NTM: variants seen among roughly 807,000 people sequenced by gnomAD.
The protein encoded by NTM is neurotrimin.
A neutral mutation model predicts 42.1 loss-of-function variants in NTM; 13 were observed. The ratio of observed to expected loss-of-function variants is 0.31; its 90% CI spans 0.20 to 0.49. The LOEUF (loss-of-function observed/expected upper bound fraction) is 0.49. Ranked by LOEUF, NTM falls within the 20% of genes least tolerant of loss-of-function variation. The pLI is 0.99. For missense variants in NTM, 373 were observed against 452.8 expected (o/e 0.82, Z 1.60); for synonymous variants, 187 against 179.2 (o/e 1.04, Z -0.35).
At chr11:132,160,387 C>T (rs1246716075) in intron 3 of NTM, among the ~76,000 whole-genome samples, 1 of 152,192 alleles carries the variant, frequency 6.6e-6, no homozygotes, top group Non-Finnish European at 1.5e-5. Flanking sequence ...GGAAGGGGAG[C>T]TGAAGCAGGC....
At chr11:131,682,121 C>G (rs941023920) in intron 1 of NTM, among the ~76,000 whole-genome samples, 1 of 152,168 alleles carries the variant, frequency 6.6e-6, no homozygotes, top group Admixed American at 6.5e-5. Flanking sequence ...GTGGCTGGGT[C>G]ATCACTGGGT....
intron 7 of NTM, among the ~76,000 whole-genome samples, chr11:132,318,061 CAG>C (rs1329191160): frequency 6.6e-6 from 1 of 152,192 alleles, no homozygotes; most frequent in Non-Finnish European, 1.5e-5. Flanking sequence ...CCCTCAGCAG[CAG>C]AGTCAGACAC....
At chr11:132,154,926 G>T (rs1412155462) in intron 3 of NTM, among the ~76,000 whole-genome samples, 4 of 152,230 alleles carry the variant, frequency 2.6e-5, no homozygotes, top group Admixed American at 2.0e-4. Context: ...ATTTGAGAAA[G>T]AATTTATTGA....
intron 1 of NTM, among the ~76,000 whole-genome samples, chr11:131,652,824 C>T (rs1253434987): frequency 1.3e-5 from 2 of 152,234 alleles, no homozygotes; most frequent in Non-Finnish European, 2.9e-5. Context: ...AGTCGGGGCA[C>T]TCCAGACCCT....
intron 1 of NTM, among the ~76,000 whole-genome samples, chr11:131,902,622 A>G (rs948760622): frequency 1.3e-5 from 2 of 152,226 alleles, no homozygotes; most frequent in Non-Finnish European, 2.9e-5. Context: ...ATGTCTCAGT[A>G]GTCAACTGAT....
chr11:132,016,101 G>GT (rs558544499), intron 2 of NTM, among the ~76,000 whole-genome samples: 10,552 of 145,130 alleles, frequency 0.073, 385 homozygotes, highest in African/African-American at 0.085. Context: ...GTTGTTGAGA[G>GT]TTTTTTTTTT....
intron 1 of NTM, among the ~76,000 whole-genome samples, chr11:131,829,420 A>T (rs1026958012): frequency 6.6e-6 from 1 of 152,160 alleles, no homozygotes. Context: ...GGTGTCACTT[A>T]TAAGTGAGAA....
intron 1 of NTM, among the ~76,000 whole-genome samples, chr11:131,521,357 A>AAATG (rs2049653000): frequency 7.1e-6 from 1 of 141,594 alleles, no homozygotes; most frequent in Non-Finnish European, 1.5e-5. Flanking sequence ...ATAAATAAAT[A>AAATG]AATGCAGAAG....
At chr11:132,160,206 A>G (rs901615011) in intron 3 of NTM, among the ~76,000 whole-genome samples, 3 of 152,200 alleles carry the variant, frequency 2.0e-5, no homozygotes, top group African/African-American at 4.8e-5. Context: ...AGAATAGTCA[A>G]GAAATTCTTT....
rs531666651 is a variant in NTM at position 131,672,738 on chromosome 11, A to G, written c.83-238826A>G. On this transcript the variant is annotated intron_variant, in intron 1 of 8. Coordinates refer to ENST00000683400, the MANE Select transcript of NTM (RefSeq NM_001352005.2). ...CATAGTAGGGCCTCTGTGGAGGCTT[A>G]TGGAATTCAAATACCCATGGACCAG... 3.3e-5 allele frequency among the ~76,000 whole-genome samples: 5 copies of G among 152,196 alleles called. No homozygotes were observed. In the East Asian group the frequency reaches 7.8e-4, roughly 24 times the overall value.
At chr11:131,925,232 C>A (rs1592911410) in intron 2 of NTM, among the ~76,000 whole-genome samples, 3 of 152,186 alleles carry the variant, frequency 2.0e-5, no homozygotes, top group Admixed American at 2.0e-4. Flanking sequence ...TTAGTTTAAC[C>A]TTTTGTGCCA....
chr11:131,800,053 A>C (rs1360612123), intron 1 of NTM, among the ~76,000 whole-genome samples: 2 of 152,126 alleles, frequency 1.3e-5, no homozygotes, highest in Non-Finnish European at 2.9e-5. Flanking sequence ...TTCTCAGCAC[A>C]CTCTAGATCC....
chr11:131,902,236 T>A (rs1381225493), intron 1 of NTM, among the ~76,000 whole-genome samples: 1 of 152,240 alleles, frequency 6.6e-6, no homozygotes, highest in Non-Finnish European at 1.5e-5. Flanking sequence ...AGTTTGGGTA[T>A]TAGTTTAGCT....
intron 1 of NTM, among the ~76,000 whole-genome samples, chr11:131,612,727 C>T (rs1200757507): frequency 6.6e-6 from 1 of 152,228 alleles, no homozygotes; most frequent in Non-Finnish European, 1.5e-5. Context: ...TGTGGTTAAA[C>T]TTAGCACAGT....
intron 2 of NTM, among the ~76,000 whole-genome samples, chr11:132,058,006 T>C (rs546972896): frequency 1.2e-4 from 18 of 152,298 alleles, no homozygotes; most frequent in Admixed American, 1.0e-3. Flanking sequence ...GACTGAAATA[T>C]TTTTTTATCT....
chr11:131,505,063 A>T (rs922234772), intron 1 of NTM, among the ~76,000 whole-genome samples: 2 of 151,982 alleles, frequency 1.3e-5, no homozygotes, highest in African/African-American at 2.4e-5. Context: ...GTGGTCTCAG[A>T]GTCATGAAAC....
At chr11:131,986,709 A>G (rs1386098928) in intron 2 of NTM, among the ~76,000 whole-genome samples, 2 of 152,186 alleles carry the variant, frequency 1.3e-5, no homozygotes, top group African/African-American at 4.8e-5. Context: ...CTTCCTTATT[A>G]GGAATATAAC....
At chr11:131,614,493 C>A (rs138354294) in intron 1 of NTM, among the ~76,000 whole-genome samples, 125 of 152,340 alleles carry the variant, frequency 8.2e-4, no homozygotes, top group African/African-American at 2.9e-3. Flanking sequence ...TGCTGATGAT[C>A]TGCAAAGCTG....
At chr11:132,147,214 T>TGTGTGTGTGA (rs1337361068) in intron 3 of NTM, among the ~76,000 whole-genome samples, 73 of 122,888 alleles carry the variant, frequency 5.9e-4, no homozygotes, top group African/African-American at 1.8e-3. Flanking sequence ...TGTGTGTGTG[T>TGTGTGTGTGA]GAGAGAGAGA....
Sources: allele counts gnomAD v4.1 joint callset (sites outside exome capture counted in the v4.1 genomes callset), GRCh38; gene constraint gnomAD v4.1.1; transcripts MANE v1.5; gene names NCBI Gene and HGNC (gene_info 2026-07-23, HGNC 2026-07-21).